Variants in ALDH1L1 observed in about 807,000 individuals in gnomAD.
ALDH1L1 encodes aldehyde dehydrogenase 1 family member L1.
In ALDH1L1, 68 loss-of-function variants were observed where a neutral mutation model predicts 101.1. The observed-to-expected ratio is 0.67, with a 90% CI of 0.55 to 0.82. The LOEUF (loss-of-function observed/expected upper bound fraction) is 0.82, where lower values mean the gene tolerates loss of function less well. Among genes scored for constraint, ALDH1L1 ranks in the 40% least tolerant of loss-of-function variants. ALDH1L1 has a pLI of 0.00. For missense variants in ALDH1L1, 1,087 were observed against 1,172.7 expected (o/e 0.93, Z 1.07); for synonymous variants, 486 against 470.8 (o/e 1.03, Z -0.42).
chr3:126,144,947 C>T (rs371890430), intron 9 of ALDH1L1, among the ~76,000 whole-genome samples: 197 of 152,222 alleles, frequency 1.3e-3, no homozygotes, highest in African/African-American at 4.4e-3. Context: ...AGGTTAATTC[C>T]TAAAACATAT....
intron 7 of ALDH1L1, 92 bp downstream of exon 7, chr3:126,153,352 G>C: frequency 6.3e-7 from 1 of 1,588,678 alleles, no homozygotes. Context: ...ATTTTCTCCA[G>C]AGGAGCCTAG....
At chr3:126,180,636 G>A (rs2081458615), upstream of ALDH1L1, 3 of 1,303,530 alleles carry the variant, frequency 2.3e-6, no homozygotes, top group Non-Finnish European at 9.8e-7. Context: ...TGAGGGGAGG[G>A]GCGCGGGGCG....
At chr3:126,165,740 T>C (rs2081154709) in intron 1 of ALDH1L1, among the ~76,000 whole-genome samples, 1 of 152,212 alleles carries the variant, frequency 6.6e-6, no homozygotes, top group African/African-American at 2.4e-5. Context: ...TCTAAGAATC[T>C]TTTCTAATTT....
chr3:126,116,521 C>T (rs550851380), intron 17 of ALDH1L1, among the ~76,000 whole-genome samples: 1 of 152,338 alleles, frequency 6.6e-6, no homozygotes, highest in East Asian at 1.9e-4. Context: ...CCTGAGCCCT[C>T]ACCCTGGACT....
intron 1 of ALDH1L1, among the ~76,000 whole-genome samples, chr3:126,170,569 G>C (rs970196842): frequency 3.9e-5 from 6 of 151,908 alleles, no homozygotes; most frequent in Middle Eastern, 6.8e-3. Flanking sequence ...TGGCCATTTC[G>C]CAACTACCCA....
At chr3:126,176,815 G>C (rs2081371260) in intron 1 of ALDH1L1, among the ~76,000 whole-genome samples, 1 of 152,166 alleles carries the variant, frequency 6.6e-6, no homozygotes. Flanking sequence ...GACATATCTG[G>C]TAAAGCACTG....
At chr3:126,180,396 C>CCCCGGAGCCCCCGGAGCT in intron 1 of ALDH1L1, 80 bp downstream of exon 1, 2 of 957,776 alleles carry the variant, frequency 2.1e-6, no homozygotes, top group Non-Finnish European at 2.5e-6. Context: ...CCCCTGGAGC[C>CCCCGGAGCCCCCGGAGCT]CCCGGAGCCC....
upstream of ALDH1L1, chr3:126,180,848 A>G: frequency 6.4e-7 from 1 of 1,553,080 alleles, no homozygotes; most frequent in Non-Finnish European, 8.7e-7. Context: ...CCAAGCACCC[A>G]GCAGGGCTGG....
chr3:126,126,683 G>A (rs185457662), intron 14 of ALDH1L1, among the ~76,000 whole-genome samples: 27 of 152,288 alleles, frequency 1.8e-4, no homozygotes, highest in Non-Finnish European at 2.2e-4. Context: ...GGGCTGAGGG[G>A]AGCTCGGAAA....
At chr3:126,112,297 C>T (rs1431563150) in intron 19 of ALDH1L1, among the ~76,000 whole-genome samples, 3 of 152,194 alleles carry the variant, frequency 2.0e-5, no homozygotes, top group Non-Finnish European at 4.4e-5. Context: ...GCCAAGCCTA[C>T]CTGCCACAGG....
chr3:126,149,591 G>A (rs879670982), intron 8 of ALDH1L1, among the ~76,000 whole-genome samples: 3 of 152,248 alleles, frequency 2.0e-5, no homozygotes, highest in African/African-American at 7.2e-5. Context: ...CAAGAAGGAA[G>A]TTGCTGGCTC....
intron 1 of ALDH1L1, among the ~76,000 whole-genome samples, chr3:126,186,597 C>T (rs1335932053): frequency 1.3e-5 from 2 of 151,924 alleles, no homozygotes; most frequent in East Asian, 1.9e-4. Context: ...TTGGGAGATG[C>T]GGCAACTGTG....
intron 20 of ALDH1L1, among the ~76,000 whole-genome samples, chr3:126,109,029 G>A (rs984448980): frequency 2.0e-5 from 3 of 152,226 alleles, no homozygotes; most frequent in Admixed American, 6.5e-5. Flanking sequence ...GCCCGCACAA[G>A]GGTCAGGGAG....
intron 9 of ALDH1L1, among the ~76,000 whole-genome samples, chr3:126,142,760 T>C (rs1338064879): frequency 6.6e-6 from 1 of 152,198 alleles, no homozygotes; most frequent in South Asian, 2.1e-4. Flanking sequence ...CTGAAAGCCT[T>C]TCCCCTGAGA....
chr3:126,180,411 A>G (rs2081453963), intron 1 of ALDH1L1, 65 bp downstream of exon 1: 3 of 979,722 alleles, frequency 3.1e-6, no homozygotes, highest in African/African-American at 3.5e-5. Context: ...GAGCCCCCGG[A>G]GCTGCAGCCG....
At chr3:126,173,362 T>G (rs116058802) in intron 1 of ALDH1L1, among the ~76,000 whole-genome samples, 63 of 152,248 alleles carry the variant, frequency 4.1e-4, no homozygotes, top group African/African-American at 1.4e-3. Context: ...CCCATAAAGT[T>G]GTATAGTGTT....
At chr3:126,147,664 C>T (rs1326140118) in intron 8 of ALDH1L1, among the ~76,000 whole-genome samples, 1 of 152,188 alleles carries the variant, frequency 6.6e-6, no homozygotes, top group East Asian at 1.9e-4. Context: ...AGGCCAGGTC[C>T]CCACTCTCTG....
At chr3:126,150,676 C>T (rs1275196185) in intron 7 of ALDH1L1, 145 bp from the exon 8 acceptor site, 2 of 976,738 alleles carry the variant, frequency 2.0e-6, no homozygotes, top group East Asian at 3.7e-5. Context: ...TGCCTCAGCC[C>T]TCCTGAATAG....
At chr3:126,135,280 C>T (rs1302419275) in intron 12 of ALDH1L1, 3 of 362,992 alleles carry the variant, frequency 8.3e-6, no homozygotes, top group African/African-American at 6.6e-5. Flanking sequence ...CGCACCTCCT[C>T]ACCTCCACCA....
Sources: gnomAD v4.1 joint callset for allele counts (sites outside exome capture counted in the v4.1 genomes callset) on GRCh38, gnomAD v4.1.1 for gene constraint, MANE v1.5 for transcripts, NCBI Gene and HGNC (gene_info 2026-07-23, HGNC 2026-07-21) for gene names.